Variants in MEGF10 observed in about 807,000 individuals in gnomAD.
MEGF10 encodes the protein multiple epidermal growth factor-like domains protein 10.
In MEGF10, 86 loss-of-function variants were observed where a neutral mutation model predicts 147.5. The observed-to-expected ratio is 0.58, with a 90% CI of 0.49 to 0.70. The LOEUF (loss-of-function observed/expected upper bound fraction) is 0.70. Among genes scored for constraint, MEGF10 ranks in the 30% least tolerant of loss-of-function variants. The pLI is 0.00. For missense variants in MEGF10, 1,329 were observed against 1,487.3 expected, an observed-to-expected ratio of 0.89 and a Z score of 1.75; for synonymous variants, 478 against 525.5, an observed-to-expected ratio of 0.91 and a Z score of 1.24.
At chr5:127,369,757 A>G (rs1762785055) in intron 4 of MEGF10, among the ~76,000 whole-genome samples, 153 bp from the exon 5 acceptor site, 1 of 152,202 alleles carries the variant, frequency 6.6e-6, no homozygotes, top group Non-Finnish European at 1.5e-5. Context: ...CCTACAGCAG[A>G]CTGTAAGAGG....
chr5:127,437,861 C>A (rs923343608), intron 16 of MEGF10, among the ~76,000 whole-genome samples: 1 of 152,198 alleles, frequency 6.6e-6, no homozygotes, highest in Non-Finnish European at 1.5e-5. Flanking sequence ...GCCTTGGGTC[C>A]TTTAACCTCT....
Position 127,410,308 on chromosome 5 carries a change from A to G in MEGF10, c.918-81A>G. 3 of 1,366,716 alleles carry G rather than the reference A, an allele frequency of 2.2e-6. No individual in the cohort carries two copies. The Admixed American group carries it at 5.6e-5, about 26-fold the overall frequency. The allele number at this position is 1,366,716 out of a possible 1,614,324, so 84.7% of individuals were successfully genotyped here. The stretch of plus-strand genomic sequence containing the variant: ...AAAAAGCAGCTTCGATTTATGCATA[A>G]CAAAGCCATTCCAAATTAACTGTTT... On this transcript the variant is annotated intron_variant, in intron 8 of 24. Coordinates refer to ENST00000503335, the MANE Select transcript of MEGF10 (RefSeq NM_001256545.2).
chr5:127,435,583 G>C (rs1765528117), intron 16 of MEGF10, 94 bp downstream of exon 16: 1 of 1,215,902 alleles, frequency 8.2e-7, no homozygotes, highest in Admixed American at 3.1e-5. Context: ...ATATAATCAA[G>C]AAAGAATATA....
At chr5:127,415,530 A>G (rs1031881978) in intron 9 of MEGF10, among the ~76,000 whole-genome samples, 1 of 152,152 alleles carries the variant, frequency 6.6e-6, no homozygotes, top group Admixed American at 6.5e-5. Flanking sequence ...CAGTAAAGAT[A>G]AAGGGATGTG....
chr5:127,386,244 C>A (rs1267913741), intron 5 of MEGF10, among the ~76,000 whole-genome samples: 2 of 152,334 alleles, frequency 1.3e-5, no homozygotes, highest in South Asian at 2.1e-4. Context: ...CTTTAATAAG[C>A]ATCTTACAGT....
At chr5:127,433,591 C>G in intron 14 of MEGF10, 82 bp downstream of exon 14, 1 of 1,486,164 alleles carries the variant, frequency 6.7e-7, no homozygotes, top group Non-Finnish European at 9.1e-7. Flanking sequence ...TCCCACCTCT[C>G]AGTTTATAGT....
At chr5:127,351,326 T>A (rs1762079362) in intron 4 of MEGF10, among the ~76,000 whole-genome samples, 1 of 152,208 alleles carries the variant, frequency 6.6e-6, no homozygotes, top group Non-Finnish European at 1.5e-5. Context: ...TTAAATTCAA[T>A]ATAAATTTGT....
At chr5:127,253,149 G>C in the MEGF10 span, among the ~76,000 whole-genome samples, 1 of 152,082 alleles carries the variant, frequency 6.6e-6, no homozygotes, top group South Asian at 2.1e-4. Context: ...TAGGTTAAAA[G>C]AGACAAAGCA....
the MEGF10 span, among the ~76,000 whole-genome samples, chr5:127,232,354 C>A: frequency 1.1e-4 from 17 of 152,288 alleles, no homozygotes; most frequent in Admixed American, 1.1e-3. Flanking sequence ...ACATAAGTAG[C>A]TGAATGGAGC....
chr5:127,400,092 A>G (rs1359200175), intron 7 of MEGF10, among the ~76,000 whole-genome samples: 4 of 152,226 alleles, frequency 2.6e-5, no homozygotes, highest in African/African-American at 9.6e-5. Flanking sequence ...GGAGACCTGG[A>G]GTCCACTTTT....
intron 22 of MEGF10, 26 bp downstream of exon 22, chr5:127,449,248 A>AGAAGCACCTTGACCTGTCAGTCCCT: frequency 6.2e-7 from 1 of 1,612,290 alleles, no homozygotes; most frequent in Non-Finnish European, 8.5e-7. Context: ...GCACGTCCCC[A>AGAAGCACCTTGACCTGTCAGTCCCT]GAAGCACCTT....
chr5:127,265,732 C>T, the MEGF10 span, among the ~76,000 whole-genome samples: 3 of 152,150 alleles, frequency 2.0e-5, no homozygotes, highest in Non-Finnish European at 4.4e-5. Context: ...TGAGAAGTGT[C>T]TGTTCATATC....
chr5:127,342,544 G>A (rs1004094129), intron 4 of MEGF10, among the ~76,000 whole-genome samples: 1 of 152,134 alleles, frequency 6.6e-6, no homozygotes, highest in South Asian at 2.1e-4. Context: ...TGGTGGGGGG[G>A]TGTAGATCCA....
chr5:127,248,275 G>A, the MEGF10 span, among the ~76,000 whole-genome samples: 4 of 151,938 alleles, frequency 2.6e-5, no homozygotes, highest in Admixed American at 1.3e-4. Flanking sequence ...TAAAAGGGAG[G>A]CAATATAATC....
At chr5:127,453,980 G>A (rs917596126) in intron 22 of MEGF10, among the ~76,000 whole-genome samples, 3 of 152,098 alleles carry the variant, frequency 2.0e-5, no homozygotes, top group Non-Finnish European at 4.4e-5. Context: ...TTTCCAATGA[G>A]AAAGCAGGTT....
At chr5:127,354,177 T>C (rs941225508) in intron 4 of MEGF10, among the ~76,000 whole-genome samples, 4 of 152,180 alleles carry the variant, frequency 2.6e-5, no homozygotes, top group African/African-American at 7.2e-5. Context: ...GTTCTGTAGA[T>C]GAACTTTACT....
intron 21 of MEGF10, 46 bp downstream of exon 21, chr5:127,447,730 G>A (rs775758259): frequency 6.2e-7 from 1 of 1,611,608 alleles, no homozygotes; most frequent in East Asian, 2.2e-5. Context: ...TGGGGAGAGA[G>A]GAAGGGAACC....
chr5:127,234,373 G>C, the MEGF10 span, among the ~76,000 whole-genome samples: 127 of 152,302 alleles, frequency 8.3e-4, no homozygotes, highest in Non-Finnish European at 8.8e-5. Flanking sequence ...AAAGTTTTCA[G>C]CTAGGCACAT....
upstream of MEGF10, among the ~76,000 whole-genome samples, chr5:127,286,017 T>C (rs1453178722): frequency 2.0e-5 from 3 of 152,108 alleles, no homozygotes; most frequent in African/African-American, 7.2e-5. Context: ...GCAACATGGA[T>C]GGAACTGGAG....
Sources: allele counts gnomAD v4.1 joint callset (sites outside exome capture counted in the v4.1 genomes callset), GRCh38; gene constraint gnomAD v4.1.1; transcripts MANE v1.5; gene names NCBI Gene and HGNC (gene_info 2026-07-23, HGNC 2026-07-21).